Variants in SORCS1 observed in about 807,000 individuals in gnomAD.
SORCS1 encodes the protein sortilin related VPS10 domain containing receptor 1, also known as VPS10 domain-containing receptor SorCS1.
SORCS1 carries 60 observed loss-of-function variants against 146.1 expected under a neutral mutation model. The ratio of observed to expected loss-of-function variants is 0.41; its 90% CI spans 0.33 to 0.51. SORCS1 has a LOEUF of 0.51. Among genes scored for constraint, SORCS1 ranks in the 20% least tolerant of loss-of-function variants. The pLI is 0.21. For synonymous variants in SORCS1, 637 were observed against 584.0 expected, an observed-to-expected ratio of 1.09 and a Z score of -1.31; for missense variants, 1,352 against 1,487.6, an observed-to-expected ratio of 0.91 and a Z score of 1.50.
chr10:106,856,140 C>A (rs1008815658), intron 2 of SORCS1, among the ~76,000 whole-genome samples: 1 of 151,960 alleles, frequency 6.6e-6, no homozygotes, highest in African/African-American at 2.4e-5. Context: ...TATTCTCCAG[C>A]CTCAGCCTCC....
intron 16 of SORCS1, among the ~76,000 whole-genome samples, chr10:106,668,430 G>A (rs1057311211): frequency 5.3e-5 from 8 of 152,154 alleles, no homozygotes; most frequent in African/African-American, 1.9e-4. Flanking sequence ...TCTCTACTTC[G>A]GAAATAGCCA....
chr10:106,705,026 C>T (rs1210989519), intron 8 of SORCS1, among the ~76,000 whole-genome samples: 1 of 152,132 alleles, frequency 6.6e-6, no homozygotes, highest in East Asian at 1.9e-4. Flanking sequence ...ACTCAGTTTT[C>T]CTTTTACATA....
intron 6 of SORCS1, among the ~76,000 whole-genome samples, chr10:106,729,456 T>A (rs201769963): frequency 0.017 from 2,449 of 146,484 alleles, 70 homozygotes; most frequent in African/African-American, 0.059. Flanking sequence ...TTTTTTTTTT[T>A]AATTCTTTCC....
At chr10:107,099,647 T>A (rs75716330) in intron 1 of SORCS1, among the ~76,000 whole-genome samples, 1,586 of 152,314 alleles carry the variant, frequency 0.01, 10 homozygotes, top group Middle Eastern at 0.027. Flanking sequence ...TATTAAACAA[T>A]GCTGGTATGC....
At chr10:107,147,996 G>C (rs1401166346) in intron 1 of SORCS1, among the ~76,000 whole-genome samples, 2 of 152,170 alleles carry the variant, frequency 1.3e-5, no homozygotes, top group African/African-American at 2.4e-5. Flanking sequence ...ATAATGGAAA[G>C]GATTTAAGTG....
chr10:107,165,891 T>G (rs1970035264), upstream of SORCS1, among the ~76,000 whole-genome samples: 2 of 152,202 alleles, frequency 1.3e-5, no homozygotes, highest in Non-Finnish European at 2.9e-5. The surrounding 1 kb of genome is among the most constrained non-coding windows in gnomAD (Gnocchi z 4.0). Context: ...GCTCCTAAAA[T>G]TCTATAATTG....
At chr10:106,727,085 C>CA (rs1255567074) in intron 6 of SORCS1, among the ~76,000 whole-genome samples, 299 of 101,494 alleles carry the variant, frequency 2.9e-3, no homozygotes, top group South Asian at 0.012. Context: ...GACTCTGTCT[C>CA]AAAAAAAAAA....
intron 3 of SORCS1, among the ~76,000 whole-genome samples, chr10:106,793,571 G>C (rs969212728): frequency 5.9e-5 from 9 of 152,110 alleles, no homozygotes; most frequent in Non-Finnish European, 1.3e-4. Context: ...ACAAGAGAAT[G>C]GGGGGCAGGA....
At chr10:106,986,866 CTCA>C (rs1016813524) in intron 1 of SORCS1, among the ~76,000 whole-genome samples, 2 of 152,234 alleles carry the variant, frequency 1.3e-5, no homozygotes, top group African/African-American at 4.8e-5. Flanking sequence ...CATCTATTCT[CTCA>C]TCTTTTTCTT....
chr10:107,135,956 G>A (rs1443145874), intron 1 of SORCS1, among the ~76,000 whole-genome samples: 2 of 152,172 alleles, frequency 1.3e-5, no homozygotes, highest in Non-Finnish European at 2.9e-5. Flanking sequence ...ACATATGGTT[G>A]TTATAGCAAC....
intron 1 of SORCS1, among the ~76,000 whole-genome samples, chr10:106,984,032 A>C (rs1956347298): frequency 6.6e-6 from 1 of 152,208 alleles, no homozygotes; most frequent in Non-Finnish European, 1.5e-5. Flanking sequence ...AAATGCAGGA[A>C]CTAATGGCTT....
At chr10:107,041,672 G>A (rs1263295191) in intron 1 of SORCS1, among the ~76,000 whole-genome samples, 1 of 152,002 alleles carries the variant, frequency 6.6e-6, no homozygotes, top group African/African-American at 2.4e-5. Context: ...TTTATATAGA[G>A]GCCCAGTATG....
intron 2 of SORCS1, among the ~76,000 whole-genome samples, chr10:106,919,512 T>C (rs1434791762): frequency 6.6e-6 from 1 of 152,198 alleles, no homozygotes; most frequent in Non-Finnish European, 1.5e-5. Context: ...CATTGCTTCA[T>C]TATCAGATAC....
chr10:107,136,581 T>C (rs1967320943), intron 1 of SORCS1, among the ~76,000 whole-genome samples: 1 of 152,124 alleles, frequency 6.6e-6, no homozygotes, highest in Non-Finnish European at 1.5e-5. Context: ...AGAGGCCGAA[T>C]TAACAATAAT....
intron 3 of SORCS1, among the ~76,000 whole-genome samples, chr10:106,804,686 C>T (rs1401965776): frequency 6.6e-6 from 1 of 152,126 alleles, no homozygotes; most frequent in Non-Finnish European, 1.5e-5. Context: ...CTTCAGTTAT[C>T]TAGGAAATCC....
At chr10:106,970,905 ATTTTTTTTTT>A (rs34657393) in intron 1 of SORCS1, among the ~76,000 whole-genome samples, 2 of 96,488 alleles carry the variant, frequency 2.1e-5, no homozygotes, top group African/African-American at 7.4e-5. Context: ...TGCACAGCTA[ATTTTTTTTTT>A]TTTTTTTTTT....
chr10:106,725,933 GAAAA>G lies in SORCS1; in HGVS notation c.1024+4113_1024+4116del, dbSNP rs58266957. On this transcript the variant is annotated intron_variant, in intron 6 of 25. Transcript: ENST00000263054. ...GTGACAGAGTGAGACTCTGTCTCAG[GAAAA>G]AAAAAAAAAAAAAATAGGAAATGAG... 1.1e-3 allele frequency among the ~76,000 whole-genome samples: 152 copies of G among 135,360 alleles called. 1 individual carries two copies. Among genetic ancestry groups the G allele is most frequent in the African/African-American group, 2.7e-3 (96 of 35,770 alleles). The allele number at this position is 135,360 out of a possible 152,430, so 88.8% of individuals were successfully genotyped here.
At chr10:106,804,148 G>GAAATTATCATTATC (rs1179762180) in intron 3 of SORCS1, among the ~76,000 whole-genome samples, 1 of 152,050 alleles carries the variant, frequency 6.6e-6, no homozygotes, top group Non-Finnish European at 1.5e-5. Context: ...TTGTATCAAA[G>GAAATTATCATTATC]AAAATCTCTT....
chr10:106,718,482 C>T (rs957186826), intron 6 of SORCS1, among the ~76,000 whole-genome samples: 1 of 152,180 alleles, frequency 6.6e-6, no homozygotes, highest in African/African-American at 2.4e-5. Flanking sequence ...CTGGTGGGTT[C>T]GTGGTCTTTC....
Sources: gnomAD v4.1 joint callset for allele counts (sites outside exome capture counted in the v4.1 genomes callset) on GRCh38, gnomAD v4.1.1 for gene constraint, Gnocchi (gnomAD v3.1) non-coding constraint, MANE v1.5 for transcripts, NCBI Gene and HGNC (gene_info 2026-07-23, HGNC 2026-07-21) for gene names.